Variants in SUCLG2 observed in about 807,000 individuals in gnomAD.
The protein encoded by SUCLG2 is succinate-CoA ligase GDP-forming subunit beta.
A neutral mutation model predicts 47.9 loss-of-function variants in SUCLG2; 42 were observed. That is an observed-to-expected ratio of 0.88 (90% confidence interval 0.69 to 1.14). SUCLG2 has a LOEUF of 1.14. Among genes scored for constraint, SUCLG2 ranks in the 50% most tolerant of loss-of-function variants. The pLI is 0.00. For synonymous variants in SUCLG2, 195 were observed against 197.3 expected (o/e 0.99, Z 0.10); for missense variants, 571 against 525.9 (o/e 1.09, Z -0.84).
intron 2 of SUCLG2, among the ~76,000 whole-genome samples, chr3:67,599,652 G>A (rs6768909): frequency 0.46 from 69,788 of 150,920 alleles, 16,565 homozygotes; most frequent in African/African-American, 0.55. Flanking sequence ...TGTTATCCAC[G>A]TCCCATCTGT....
At chr3:67,620,562 G>A (rs1270280968) in intron 1 of SUCLG2, among the ~76,000 whole-genome samples, 2 of 121,746 alleles carry the variant, frequency 1.6e-5, no homozygotes, top group Non-Finnish European at 3.2e-5. Context: ...TCCAGCCTGG[G>A]TGACACAGTG....
intron 10 of SUCLG2, among the ~76,000 whole-genome samples, chr3:67,385,143 A>G (rs953874548): frequency 1.3e-5 from 2 of 152,210 alleles, no homozygotes; most frequent in African/African-American, 4.8e-5. Flanking sequence ...CTGACTAGTC[A>G]CTCAGAAGAT....
At chr3:67,360,596 T>C (rs890831964) in exon 11 of SUCLG2, 25 of 1,462,188 alleles carry the variant, frequency 1.7e-5, no homozygotes, top group African/African-American at 1.3e-4. Context: ...TTTGGAAAAG[T>C]AATCTCAGCA....
intron 10 of SUCLG2, among the ~76,000 whole-genome samples, chr3:67,381,986 G>T (rs1343539793): frequency 6.6e-6 from 1 of 152,104 alleles, no homozygotes; most frequent in Non-Finnish European, 1.5e-5. Context: ...GATTTTGTTC[G>T]CAAGGTGCAG....
chr3:67,598,032 G>A (rs1466952272), intron 2 of SUCLG2, among the ~76,000 whole-genome samples: 6 of 151,868 alleles, frequency 4.0e-5, no homozygotes, highest in African/African-American at 1.5e-4. Flanking sequence ...CCAGGGTGGA[G>A]TGCAGTGGCA....
chr3:67,612,296 C>T (rs1400998405), intron 1 of SUCLG2, among the ~76,000 whole-genome samples: 3 of 151,600 alleles, frequency 2.0e-5, no homozygotes. Flanking sequence ...AAGGCTGAGG[C>T]TGCAGTGAGC....
At chr3:67,469,066 TCGAAGTCTTGAAGA>T (rs1033625906) in intron 9 of SUCLG2, among the ~76,000 whole-genome samples, 47 of 152,132 alleles carry the variant, frequency 3.1e-4, no homozygotes, top group African/African-American at 1.1e-3. Flanking sequence ...AACAGCTCAG[TCGAAGTCTTGAAGA>T]TGGAGATGCC....
intron 1 of SUCLG2, among the ~76,000 whole-genome samples, chr3:67,626,637 G>A (rs539798152): frequency 6.6e-5 from 10 of 152,204 alleles, no homozygotes; most frequent in African/African-American, 1.4e-4. Flanking sequence ...AGTACATGCC[G>A]GGTGCAGTTG....
chr3:67,543,230 T>C lies in SUCLG2; in HGVS notation c.227-14044A>G, dbSNP rs535071841. Among the ~76,000 whole-genome samples the C allele has an allele frequency of 3.2e-4, 48 of 152,340 alleles. No individual in the cohort carries two copies. In the South Asian group the frequency reaches 9.9e-3, roughly 32 times the overall value. ...CGGAATGACTACTGGATAAATTAAG[T>C]ATATTTTTAAGTGTAAATGTCAGAA... On this transcript the variant is annotated intron_variant, in intron 2 of 10. Transcript: ENST00000307227.
At chr3:67,448,708 A>G (rs1575703748) in intron 9 of SUCLG2, among the ~76,000 whole-genome samples, 2 of 152,232 alleles carry the variant, frequency 1.3e-5, no homozygotes, top group East Asian at 3.8e-4. Context: ...TTTACTTCTA[A>G]CAATTTATCA....
At chr3:67,366,133 T>G (rs17046321) in intron 10 of SUCLG2, among the ~76,000 whole-genome samples, 6 of 151,858 alleles carry the variant, frequency 4.0e-5, no homozygotes, top group African/African-American at 1.5e-4. Context: ...ATGGGAAAAA[T>G]CTTGTTAACT....
At chr3:67,576,235 T>C (rs1707738225) in intron 2 of SUCLG2, among the ~76,000 whole-genome samples, 2 of 152,160 alleles carry the variant, frequency 1.3e-5, no homozygotes, top group African/African-American at 4.8e-5. Context: ...AAATCCCAGA[T>C]CAAGACTTGT....
intron 2 of SUCLG2, among the ~76,000 whole-genome samples, chr3:67,598,590 G>A (rs1204731935): frequency 2.0e-5 from 3 of 152,144 alleles, no homozygotes; most frequent in Non-Finnish European, 4.4e-5. Context: ...TATATGAAAA[G>A]TATCGTGTGA....
rs78519757 is a variant in SUCLG2 at position 67,460,475 on chromosome 3, A to G, written c.1062+35323T>C. Among the ~76,000 whole-genome samples, 793 of 152,284 alleles carry G rather than the reference A, an allele frequency of 5.2e-3. 11 individuals carry two copies. In the East Asian group the frequency reaches 0.059, roughly 11 times the overall value. ...TTAACTCCATTTTATGAAGACATGG[A>G]CTTCAGAGATGGGAAGTGACTTTTC... On this transcript the variant is annotated intron_variant, in intron 9 of 10. Coordinates refer to ENST00000307227, the MANE Select transcript of SUCLG2 (RefSeq NM_003848.4).
intron 2 of SUCLG2, among the ~76,000 whole-genome samples, chr3:67,566,287 A>G (rs1260245263): frequency 2.0e-5 from 3 of 152,204 alleles, no homozygotes; most frequent in Admixed American, 6.5e-5. Context: ...CAGGAAGAAA[A>G]TGGTTAAGTA....
chr3:67,603,749 C>T (rs899615303), intron 2 of SUCLG2, among the ~76,000 whole-genome samples: 2 of 152,154 alleles, frequency 1.3e-5, no homozygotes, highest in African/African-American at 4.8e-5. Flanking sequence ...TATGTTTCAT[C>T]TAAGTTTATA....
At chr3:67,608,454 A>G (rs1700464597) in intron 2 of SUCLG2, among the ~76,000 whole-genome samples, 1 of 152,188 alleles carries the variant, frequency 6.6e-6, no homozygotes, top group African/African-American at 2.4e-5. Context: ...TTCCTTTATT[A>G]GTTAACATGG....
At chr3:67,417,273 G>T (rs1261897175) in intron 9 of SUCLG2, among the ~76,000 whole-genome samples, 1 of 152,168 alleles carries the variant, frequency 6.6e-6, no homozygotes, top group Non-Finnish European at 1.5e-5. Context: ...TAAAGATCTG[G>T]AGTACCTAGA....
chr3:67,455,243 G>A (rs1386354856), intron 9 of SUCLG2, among the ~76,000 whole-genome samples: 3 of 152,162 alleles, frequency 2.0e-5, no homozygotes, highest in Admixed American at 1.3e-4. Context: ...TTGAAACTGA[G>A]CTTTGTGGAT....
Sources: gnomAD v4.1 joint callset for allele counts (sites outside exome capture counted in the v4.1 genomes callset) on GRCh38, gnomAD v4.1.1 for gene constraint, MANE v1.5 for transcripts, NCBI Gene and HGNC (gene_info 2026-07-23, HGNC 2026-07-21) for gene names.